LRRC4C: variants seen among roughly 807,000 people sequenced by gnomAD.
LRRC4C encodes leucine rich repeat containing 4C, also known as leucine-rich repeat-containing protein 4C.
In LRRC4C, 5 loss-of-function variants were observed where a neutral mutation model predicts 33.6. That is an observed-to-expected ratio of 0.15 (90% confidence interval 0.08 to 0.31). The LOEUF (loss-of-function observed/expected upper bound fraction) is 0.31, where lower values mean the gene tolerates loss of function less well. Ranked by LOEUF, LRRC4C falls within the 10% of genes least tolerant of loss-of-function variation. The pLI is 1.00. For missense variants in LRRC4C, 560 were observed against 796.7 expected (o/e 0.70, Z 3.58); for synonymous variants, 329 against 302.0 (o/e 1.09, Z -0.93).
intron 2 of LRRC4C, among the ~76,000 whole-genome samples, chr11:40,925,764 T>C (rs1391167687): frequency 1.3e-5 from 2 of 152,194 alleles, no homozygotes; most frequent in Non-Finnish European, 2.9e-5. Context: ...TACTTTATTG[T>C]CTGTAAATTG....
intron 3 of LRRC4C, among the ~76,000 whole-genome samples, chr11:40,414,664 A>G (rs1231216380): frequency 6.6e-6 from 1 of 152,084 alleles, no homozygotes; most frequent in Non-Finnish European, 1.5e-5. Context: ...ATTTAAAAAA[A>G]GACCTATAAA....
At chr11:41,045,131 A>G (rs189413227) in intron 1 of LRRC4C, among the ~76,000 whole-genome samples, 1 of 151,980 alleles carries the variant, frequency 6.6e-6, no homozygotes, top group African/African-American at 2.4e-5. Context: ...CGTTGATGTC[A>G]TTTAATCTCA....
intron 1 of LRRC4C, among the ~76,000 whole-genome samples, chr11:41,104,613 T>G (rs1490236493): frequency 6.6e-6 from 1 of 151,916 alleles, no homozygotes; most frequent in Non-Finnish European, 1.5e-5. Flanking sequence ...TGCTCCTAGG[T>G]GTTTACTTGA....
rs537674271 is a variant in LRRC4C at position 40,399,504 on chromosome 11, A to G, written c.-269-79783T>C. 8.6e-5 allele frequency among the ~76,000 whole-genome samples: 13 copies of G among 151,204 alleles called. No individual in the cohort carries two copies. The East Asian group carries it at 2.6e-3, about 30-fold the overall frequency. On this transcript the variant is annotated intron_variant, in intron 3 of 6. Coordinates refer to ENST00000528697, the MANE Select transcript of LRRC4C (RefSeq NM_001258419.2). ...ACAATGAGAACACATGGACACAGGA[A>G]GGGGAACATCACACTCCGGGGACTG...
intron 5 of LRRC4C, among the ~76,000 whole-genome samples, chr11:40,163,594 G>A (rs775890200): frequency 2.6e-5 from 4 of 152,110 alleles, no homozygotes; most frequent in Non-Finnish European, 4.4e-5. Context: ...GCAATATATT[G>A]TTATGTATGA....
At chr11:40,698,969 T>C (rs1945721586) in intron 2 of LRRC4C, among the ~76,000 whole-genome samples, 1 of 152,236 alleles carries the variant, frequency 6.6e-6, no homozygotes, top group South Asian at 2.1e-4. Context: ...CAATTCAAGA[T>C]GAGACTTGGG....
chr11:41,384,601 G>C (rs1325772747), intron 1 of LRRC4C, among the ~76,000 whole-genome samples: 1 of 151,208 alleles, frequency 6.6e-6, no homozygotes, highest in Non-Finnish European at 1.5e-5. Flanking sequence ...AAATTCAATG[G>C]TAATGTTTAA....
intron 3 of LRRC4C, among the ~76,000 whole-genome samples, chr11:40,460,858 C>A (rs566348543): frequency 1.3e-5 from 2 of 152,034 alleles, no homozygotes; most frequent in Non-Finnish European, 2.9e-5. Flanking sequence ...ATGTGGAAAG[C>A]CTTCATATAA....
chr11:41,292,814 G>C (rs1298765017), intron 1 of LRRC4C, among the ~76,000 whole-genome samples: 1 of 152,086 alleles, frequency 6.6e-6, no homozygotes, highest in Non-Finnish European at 1.5e-5. Context: ...CTTGTTGGGA[G>C]AATCAATCTT....
At chr11:40,904,858 A>G (rs1384264356) in intron 2 of LRRC4C, among the ~76,000 whole-genome samples, 1 of 152,200 alleles carries the variant, frequency 6.6e-6, no homozygotes, top group Non-Finnish European at 1.5e-5. Context: ...CACTTTCATC[A>G]AGCCCCTACC....
chr11:40,210,408 A>G (rs1166430217), intron 5 of LRRC4C, among the ~76,000 whole-genome samples: 1 of 152,222 alleles, frequency 6.6e-6, no homozygotes, highest in Non-Finnish European at 1.5e-5. Context: ...TATCTTCTGG[A>G]CCTAATGAAG....
chr11:40,968,674 G>T (rs1327929440), intron 1 of LRRC4C, among the ~76,000 whole-genome samples: 1 of 152,044 alleles, frequency 6.6e-6, no homozygotes, highest in African/African-American at 2.4e-5. Context: ...TTTTATAAAT[G>T]GAACAACAAA....
At chr11:40,329,025 T>C (rs777600508) in intron 3 of LRRC4C, among the ~76,000 whole-genome samples, 16 of 152,160 alleles carry the variant, frequency 1.1e-4, no homozygotes, top group Non-Finnish European at 2.1e-4. Flanking sequence ...AGTTTATCTG[T>C]CTGTGGGGGA....
Position 40,526,685 on chromosome 11 carries a change from A to T in LRRC4C, c.-270+121457T>A, listed in dbSNP as rs149057627. Among the ~76,000 whole-genome samples, 73 of 152,284 alleles carry T rather than the reference A, an allele frequency of 4.8e-4. No homozygotes were observed. The East Asian group carries it at 0.013, about 28-fold the overall frequency. On this transcript the variant is annotated intron_variant, in intron 3 of 6. Coordinates refer to ENST00000528697, the MANE Select transcript of LRRC4C (RefSeq NM_001258419.2). ...TAGAATATATGCATATACTGTATCT[A>T]GGTATAAGCCCTATTAGATGGCATA...
intron 1 of LRRC4C, among the ~76,000 whole-genome samples, chr11:41,038,455 G>T (rs1458878533): frequency 6.6e-6 from 1 of 152,028 alleles, no homozygotes; most frequent in African/African-American, 2.4e-5. Flanking sequence ...CCTTGGGTGA[G>T]GTGTTTCCTT....
intron 3 of LRRC4C, among the ~76,000 whole-genome samples, chr11:40,524,190 G>A (rs7129880): frequency 0.088 from 13,363 of 152,008 alleles, 1,669 homozygotes; most frequent in African/African-American, 0.28. Flanking sequence ...GCTACCTTCC[G>A]TAAATCTTTA....
At chr11:40,613,887 CT>C (rs558945037) in intron 3 of LRRC4C, among the ~76,000 whole-genome samples, 1 of 151,742 alleles carries the variant, frequency 6.6e-6, no homozygotes, top group Non-Finnish European at 1.5e-5. Flanking sequence ...TGAAATAAAT[CT>C]TTTTTTCTGA....
intron 3 of LRRC4C, among the ~76,000 whole-genome samples, chr11:40,571,092 T>C (rs1957965524): frequency 6.6e-6 from 1 of 152,236 alleles, no homozygotes; most frequent in African/African-American, 2.4e-5. Flanking sequence ...AAGAGTTTTA[T>C]GAATATATAA....
At chr11:40,569,861 T>C (rs1002119668) in intron 3 of LRRC4C, among the ~76,000 whole-genome samples, 16 of 152,084 alleles carry the variant, frequency 1.1e-4, no homozygotes, top group African/African-American at 3.9e-4. Flanking sequence ...AATTTAAAAA[T>C]TGTGTATACA....
Sources: gnomAD v4.1 joint callset for allele counts (sites outside exome capture counted in the v4.1 genomes callset) on GRCh38, gnomAD v4.1.1 for gene constraint, MANE v1.5 for transcripts, NCBI Gene and HGNC (gene_info 2026-07-23, HGNC 2026-07-21) for gene names.